The following DMD variants were observed in gnomAD, a reference collection of about 807,000 sequenced individuals.
The protein encoded by DMD is dystrophin, also known as mutant dystrophin.
DMD carries 63 observed loss-of-function variants against 330.1 expected under a neutral mutation model. That is an observed-to-expected ratio of 0.19 (90% confidence interval 0.16 to 0.24). The LOEUF (loss-of-function observed/expected upper bound fraction) is 0.24, where lower values mean the gene tolerates loss of function less well. Ranked by LOEUF, DMD falls within the 10% of genes least tolerant of loss-of-function variation. The pLI, the probability that DMD is intolerant of heterozygous loss-of-function variation, is 1.00. For synonymous variants in DMD, 1,223 were observed against 959.8 expected (o/e 1.27, Z -5.07); for missense variants, 3,344 against 2,684.1 (o/e 1.25, Z -5.43).
At chrX:32,412,125 G>T (rs1435885583) in intron 29 of DMD, 2 of 1,155,057 alleles carry the variant, frequency 1.7e-6, no homozygotes, top group African/African-American at 3.5e-5. Context: ...ATAGGATCAG[G>T]GATCTCTGCA....
At chrX:31,241,262 G>A (rs1252903791) in intron 63 of DMD, among the ~76,000 whole-genome samples, 1 of 111,458 alleles carries the variant, frequency 9.0e-6, no homozygotes, top group African/African-American at 3.3e-5. Context: ...GGGCTAAATC[G>A]CTGGTTTAGG....
Position 32,365,169 on chromosome X carries a change from C to T in DMD, c.4876G>A (p.Val1626Met), listed in dbSNP as rs776998846. 3.9e-5 allele frequency: 47 copies of T among 1,208,804 alleles called. No homozygotes were observed. In the Admixed American group the frequency reaches 1.0e-3, roughly 26 times the overall value. ...ATQKEIEKQK[V>M]HLKSITEVGE... ...ACCTCTGTGATACTCTTCAGGTGCA[C>T]CTTCTGTTTCTCAATCTCTTTTTGA... The change falls in exon 35 of 79, where the codon GTG becomes ATG. Residue 1626 changes from valine (V) to methionine (M), a missense_variant. Physicochemically the swap from Val to Met is conservative, Grantham distance 21. Transcript: ENST00000357033.
In DMD at chrX:32,411,789, T is replaced by C. The variant is rs369380616; in HGVS notation, c.4196A>G (p.Asp1399Gly). The C allele has an allele frequency of 3.3e-6, 4 of 1,211,596 alleles. No individual in the cohort carries two copies. Among genetic ancestry groups the C allele is most frequent in the South Asian group, 3.5e-5 (2 of 57,010 alleles). ...AGGCATTTGAGCTGCGTCCACCTTG[T>C]CTGCAATATAAGCTGCCAACTGCTT... The part of the protein sequence containing the change: ...IDKQLAAYIA[D>G]KVDAAQMPQE... Residue 1399 changes from aspartate (D) to glycine (G), a missense_variant, in exon 30 of 79, where the codon GAC (aspartate) becomes GGC (glycine). Asp to Gly is a moderately conservative substitution (Grantham distance 94). Coordinates refer to ENST00000357033, the MANE Select transcript of DMD (RefSeq NM_004006.3).
At chrX:32,463,368 G>A (rs2098390174) in intron 25 of DMD, 71 bp downstream of exon 25, 2 of 1,030,268 alleles carry the variant, frequency 1.9e-6, no homozygotes, top group African/African-American at 1.8e-5. Context: ...AAAAGTAACG[G>A]TGAAGGGAGA....
At chrX:32,579,869 G>A (rs912174267) in intron 13 of DMD, among the ~76,000 whole-genome samples, 7 of 112,863 alleles carry the variant, frequency 6.2e-5, no homozygotes, top group Non-Finnish European at 1.3e-4. Context: ...TTAACACGAA[G>A]AAGCATGTTC....
intron 7 of DMD, among the ~76,000 whole-genome samples, chrX:32,780,371 C>A (rs2074602192): frequency 8.9e-6 from 1 of 112,144 alleles, no homozygotes; most frequent in Admixed American, 9.5e-5. Flanking sequence ...TTTATAACAG[C>A]TTATTCTGTA....
At chrX:31,600,312 T>C (rs761112894) in intron 55 of DMD, among the ~76,000 whole-genome samples, 6 of 111,508 alleles carry the variant, frequency 5.4e-5, no homozygotes, top group Admixed American at 1.9e-4. Context: ...GATGAATGGA[T>C]ATGAATCTAC....
chrX:32,996,074 C>T (rs929046960), intron 2 of DMD, among the ~76,000 whole-genome samples: 3 of 111,699 alleles, frequency 2.7e-5, no homozygotes, highest in African/African-American at 6.5e-5. Context: ...GTACTTGATC[C>T]GCTGTAAAAT....
At chrX:31,434,397 C>T (rs1244634702) in intron 60 of DMD, among the ~76,000 whole-genome samples, 4 of 101,997 alleles carry the variant, frequency 3.9e-5, no homozygotes, top group Non-Finnish European at 8.0e-5. Context: ...TCCTGCCTCT[C>T]ACCCTTACTG....
chrX:31,407,628 C>T (rs1238904772), intron 60 of DMD, among the ~76,000 whole-genome samples: 3 of 97,269 alleles, frequency 3.1e-5, no homozygotes, highest in African/African-American at 4.1e-5. Context: ...CCCACCACCA[C>T]GCCTGGCTAA....
chrX:32,558,938 C>CTTTTTTTTTTTTTTTTTTTTTTTT (rs60739281), intron 16 of DMD, among the ~76,000 whole-genome samples: 1 of 50,828 alleles, frequency 2.0e-5, no homozygotes, highest in Non-Finnish European at 3.1e-5. Flanking sequence ...TTCAAATTTT[C>CTTTTTTTTTTTTTTTTTTTTTTTT]TTTTTTTTTT....
chrX:31,685,403 C>T (rs972180831), intron 52 of DMD, among the ~76,000 whole-genome samples: 8 of 111,868 alleles, frequency 7.2e-5, no homozygotes, highest in Admixed American at 5.7e-4. Flanking sequence ...TCTTTGATAA[C>T]GGAACACCCA....
intron 2 of DMD, among the ~76,000 whole-genome samples, chrX:32,878,937 G>C (rs1335829873): frequency 9.3e-6 from 1 of 107,814 alleles, no homozygotes; most frequent in Non-Finnish European, 1.9e-5. Context: ...GAACCCGGGA[G>C]GCGGAGGTTG....
At chrX:31,745,654 G>T (rs777485738) in intron 51 of DMD, among the ~76,000 whole-genome samples, 2 of 111,942 alleles carry the variant, frequency 1.8e-5, no homozygotes, top group Non-Finnish European at 3.8e-5. Flanking sequence ...CAACCCCATT[G>T]CTTGTAAAAA....
At chrX:32,248,871 G>T (rs2097252656) in intron 43 of DMD, among the ~76,000 whole-genome samples, 1 of 111,064 alleles carries the variant, frequency 9.0e-6, no homozygotes, top group African/African-American at 3.3e-5. Flanking sequence ...TCTTAAATAT[G>T]CTGATATGCT....
At chrX:31,815,280 T>A (rs1186197187) in intron 50 of DMD, among the ~76,000 whole-genome samples, 1 of 111,350 alleles carries the variant, frequency 9.0e-6, no homozygotes, top group African/African-American at 3.3e-5. Context: ...TGAAACCCTG[T>A]CTCTACTAAA....
intron 57 of DMD, among the ~76,000 whole-genome samples, chrX:31,491,805 C>T (rs1366965927): frequency 9.0e-6 from 1 of 111,582 alleles, no homozygotes; most frequent in Non-Finnish European, 1.9e-5. Context: ...ATTTTCTCTA[C>T]AAGAAAAGAG....
At chrX:32,242,914 CAAGGAAAGCA>C (rs1214396277) in intron 43 of DMD, among the ~76,000 whole-genome samples, 1 of 95,816 alleles carries the variant, frequency 1.0e-5, no homozygotes, top group Non-Finnish European at 2.1e-5. Flanking sequence ...GCGAAGAAAG[CAAGGAAAGCA>C]AAGGAACGCA....
At chrX:31,886,116 A>C (rs2094151045) in intron 47 of DMD, among the ~76,000 whole-genome samples, 2 of 111,124 alleles carry the variant, frequency 1.8e-5, no homozygotes, top group Non-Finnish European at 3.8e-5. Context: ...TTTTAGCATT[A>C]TTTTCAAAAA....
Sources: gnomAD v4.1 joint callset for allele counts (sites outside exome capture counted in the v4.1 genomes callset) on GRCh38, gnomAD v4.1.1 for gene constraint, MANE v1.5 for transcripts, NCBI Gene and HGNC (gene_info 2026-07-23, HGNC 2026-07-21) for gene names.